Variants in PHACTR4 observed in about 807,000 individuals in gnomAD.
PHACTR4 encodes the protein phosphatase and actin regulator 4, also known as protein phosphatase 1, regulatory subunit 124.
Under a neutral mutation model 72.7 loss-of-function variants are expected in PHACTR4, and 51 were observed. The observed-to-expected ratio is 0.70, with a 90% CI of 0.56 to 0.89. The LOEUF (loss-of-function observed/expected upper bound fraction) is 0.89. Among genes scored for constraint, PHACTR4 ranks in the 40% least tolerant of loss-of-function variants. The probability of loss-of-function intolerance (pLI) is 0.00; values close to 1 mark genes in which losing one functional copy is unlikely to be tolerated. For missense variants in PHACTR4, 731 were observed against 861.8 expected (o/e 0.85, Z 1.90); for synonymous variants, 255 against 302.5 (o/e 0.84, Z 1.63).
intron 2 of PHACTR4, among the ~76,000 whole-genome samples, chr1:28,421,460 C>G (rs61783825): frequency 0.29 from 44,447 of 151,268 alleles, 6,777 homozygotes; most frequent in African/African-American, 0.35. Context: ...AACATCATAT[C>G]AGATTGTAAT....
chr1:28,378,227 C>T (rs1489502879), intron 1 of PHACTR4, among the ~76,000 whole-genome samples: 17 of 97,994 alleles, frequency 1.7e-4, no homozygotes, highest in Admixed American at 3.1e-4. Context: ...TTTGGCCAGG[C>T]GCAGTGGCTC....
chr1:28,398,692 G>T lies in PHACTR4; in HGVS notation c.-38-8718G>T, dbSNP rs1050192012. On this transcript the variant is annotated intron_variant, in intron 1 of 13. Coordinates refer to ENST00000373839, the MANE Select transcript of PHACTR4 (RefSeq NM_001048183.3). ...AAATTAGCCGGGCGTGGGGGCACATGCCTATAATCCCAGCTACTTGGGAGG... is the reference window on the plus strand; with the variant it reads ...AAATTAGCCGGGCGTGGGGGCACATTCCTATAATCCCAGCTACTTGGGAGG... Among the ~76,000 whole-genome samples, 3 of 151,964 alleles carry T rather than the reference G, an allele frequency of 2.0e-5. No homozygotes were observed. In the South Asian group the frequency reaches 6.2e-4, roughly 32 times the overall value.
At chr1:28,468,231 C>T (rs553109100) in intron 6 of PHACTR4, among the ~76,000 whole-genome samples, 3 of 152,266 alleles carry the variant, frequency 2.0e-5, no homozygotes, top group South Asian at 4.1e-4. Flanking sequence ...CTACCTTGTG[C>T]TGCAGGAAAC....
intron 6 of PHACTR4, among the ~76,000 whole-genome samples, chr1:28,473,342 T>C (rs1659701950): frequency 6.6e-6 from 1 of 151,894 alleles, no homozygotes; most frequent in Non-Finnish European, 1.5e-5. Context: ...TACTCATCAG[T>C]CTTCCTACAC....
chr1:28,450,317 C>G (rs1440966485), intron 2 of PHACTR4, among the ~76,000 whole-genome samples: 1 of 130,498 alleles, frequency 7.7e-6, no homozygotes, highest in African/African-American at 2.9e-5. Context: ...TCATAGAAAA[C>G]AGAATGGGGC....
At chr1:28,404,864 A>AC (rs894186502) in intron 1 of PHACTR4, among the ~76,000 whole-genome samples, 2 of 151,838 alleles carry the variant, frequency 1.3e-5, no homozygotes, top group African/African-American at 4.8e-5. Context: ...TAATTTAGTC[A>AC]CCCCGGTAAT....
intron 1 of PHACTR4, among the ~76,000 whole-genome samples, chr1:28,391,788 G>A (rs1046454022): frequency 4.0e-5 from 6 of 151,642 alleles, no homozygotes; most frequent in Admixed American, 1.3e-4. Context: ...TGTATTTTTA[G>A]TAGAGACGGA....
intron 1 of PHACTR4, among the ~76,000 whole-genome samples, chr1:28,389,013 A>G (rs1652794913): frequency 6.6e-6 from 1 of 152,190 alleles, no homozygotes; most frequent in Admixed American, 6.6e-5. Flanking sequence ...AAAATAGTCA[A>G]AGGGGATTAC....
intron 2 of PHACTR4, among the ~76,000 whole-genome samples, chr1:28,446,207 G>C (rs1480689864): frequency 6.6e-6 from 1 of 152,112 alleles, no homozygotes; most frequent in Non-Finnish European, 1.5e-5. Flanking sequence ...GGCAATATAG[G>C]GGTCTGTCAT....
intron 1 of PHACTR4, among the ~76,000 whole-genome samples, chr1:28,376,627 C>A (rs754463051): frequency 2.6e-5 from 4 of 151,516 alleles, no homozygotes; most frequent in Non-Finnish European, 5.9e-5. Flanking sequence ...CTGCGCTGGG[C>A]CTATGTAGAC....
Position 28,463,302 on chromosome 1 carries a change from C to G in PHACTR4, c.272-2383C>G, listed in dbSNP as rs561057555. On this transcript the variant is annotated intron_variant, in intron 4 of 13. Transcript: ENST00000373839. ...ATTGATTTTCTGGGTTTAGGGAGAA[C>G]ATTCAGTGATGTTAAAGCCCCATAG... Among the ~76,000 whole-genome samples the G allele has an allele frequency of 4.7e-5, 7 of 149,032 alleles. No individual in the cohort carries two copies. The South Asian group carries it at 8.3e-4, about 18-fold the overall frequency.
At chr1:28,406,212 A>G (rs1654314330) in intron 1 of PHACTR4, among the ~76,000 whole-genome samples, 1 of 152,210 alleles carries the variant, frequency 6.6e-6, no homozygotes, top group African/African-American at 2.4e-5. Flanking sequence ...AAACCTATGG[A>G]GTTGTCATGT....
chr1:28,429,165 C>T (rs1389839197), intron 2 of PHACTR4, among the ~76,000 whole-genome samples: 1 of 152,166 alleles, frequency 6.6e-6, no homozygotes, highest in African/African-American at 2.4e-5. Context: ...TCCAGTGGCC[C>T]TGCCTTAACT....
At chr1:28,406,721 G>A (rs1281917391) in intron 1 of PHACTR4, among the ~76,000 whole-genome samples, 1 of 152,170 alleles carries the variant, frequency 6.6e-6, no homozygotes, top group African/African-American at 2.4e-5. Context: ...ACCACAGGAG[G>A]AGTAGGAAGC....
At position 28,476,402 on chromosome 1, in the gene PHACTR4, GTCA is replaced by G. The variant is rs1398245830; in HGVS notation, c.1606+114_1606+116del. On this transcript the variant is annotated intron_variant, in intron 8 of 13. Transcript: ENST00000373839. Reference sequence around the variant, plus strand: ...GGAAACAGGTACCTTCTCCCATTAAGTCATCTGGCTAACTGATGTTGGAAGCCA... The same window carrying G: ...GGAAACAGGTACCTTCTCCCATTAAGTCTGGCTAACTGATGTTGGAAGCCA... The G allele has an allele frequency of 2.7e-6, 3 of 1,120,072 alleles. No homozygotes were observed. The African/African-American group carries it at 4.8e-5, about 18-fold the overall frequency. 69.4% of individuals were successfully genotyped at this position (1,120,072 alleles called of 1,614,324 possible).
At chr1:28,395,266 TA>T (rs11355234) in intron 1 of PHACTR4, among the ~76,000 whole-genome samples, 148,697 of 152,234 alleles carry the variant, frequency 0.98, 72,712 homozygotes, top group East Asian at 1. Context: ...ATGTGATACA[TA>T]ACGATGCCAG....
intron 1 of PHACTR4, among the ~76,000 whole-genome samples, chr1:28,406,152 TAAGTG>T (rs1260632220): frequency 1.3e-5 from 2 of 152,174 alleles, no homozygotes; most frequent in Non-Finnish European, 2.9e-5. Flanking sequence ...TATGTTTACT[TAAGTG>T]AAGCAAGGAG....
intron 2 of PHACTR4, among the ~76,000 whole-genome samples, chr1:28,445,913 A>G (rs1185859713): frequency 6.6e-6 from 1 of 152,164 alleles, no homozygotes; most frequent in Non-Finnish European, 1.5e-5. Flanking sequence ...AAAGAAAGGA[A>G]AAGAAATATA....
At chr1:28,435,222 T>C (rs978971901) in intron 2 of PHACTR4, among the ~76,000 whole-genome samples, 2 of 152,188 alleles carry the variant, frequency 1.3e-5, no homozygotes, top group South Asian at 4.1e-4. Flanking sequence ...CAAAGCACTT[T>C]ATTTCTGTTC....
Sources: allele counts gnomAD v4.1 joint callset (sites outside exome capture counted in the v4.1 genomes callset), GRCh38; gene constraint gnomAD v4.1.1; transcripts MANE v1.5; gene names NCBI Gene and HGNC (gene_info 2026-07-23, HGNC 2026-07-21).